Variants in UBE2F observed in about 807,000 individuals in gnomAD.
The protein encoded by UBE2F is ubiquitin conjugating enzyme E2 F (putative), also known as NEDD8-conjugating enzyme UBE2F.
In UBE2F, 5 loss-of-function variants were observed where a neutral mutation model predicts 29.6. The ratio of observed to expected loss-of-function variants is 0.17; its 90% CI spans 0.09 to 0.36. The LOEUF (loss-of-function observed/expected upper bound fraction) is 0.36, where lower values mean the gene tolerates loss of function less well. Ranked by LOEUF, UBE2F falls within the 10% of genes least tolerant of loss-of-function variation. The pLI, the probability that UBE2F is intolerant of heterozygous loss-of-function variation, is 1.00. For missense variants in UBE2F, 141 were observed against 228.5 expected, an observed-to-expected ratio of 0.62 and a Z score of 2.47; for synonymous variants, 66 against 81.8, an observed-to-expected ratio of 0.81 and a Z score of 1.04.
At chr2:238,005,030 A>G (rs1375287512) in intron 4 of UBE2F, among the ~76,000 whole-genome samples, 2 of 152,078 alleles carry the variant, frequency 1.3e-5, no homozygotes, top group Admixed American at 1.3e-4. Context: ...AGTGAGACCC[A>G]TTTTGGTCTT....
At chr2:238,006,886 G>T (rs1447545587) in intron 4 of UBE2F, among the ~76,000 whole-genome samples, 1 of 151,262 alleles carries the variant, frequency 6.6e-6, no homozygotes, top group Non-Finnish European at 1.5e-5. Context: ...CTCCCAAGTA[G>T]CTGGGATTAT....
intron 9 of UBE2F, among the ~76,000 whole-genome samples, chr2:238,039,166 C>T (rs1444199908): frequency 3.3e-5 from 5 of 152,122 alleles, no homozygotes; most frequent in Admixed American, 2.0e-4. Context: ...ACCCAGGAGG[C>T]GGAGGTTGCA....
chr2:238,006,189 A>G (rs1046705301), intron 4 of UBE2F, among the ~76,000 whole-genome samples: 1 of 152,222 alleles, frequency 6.6e-6, no homozygotes, highest in Non-Finnish European at 1.5e-5. Flanking sequence ...GAGCCGGCAT[A>G]TCACATGGTG....
chr2:237,998,639 C>T (rs1360841566), intron 4 of UBE2F, among the ~76,000 whole-genome samples: 5 of 143,570 alleles, frequency 3.5e-5, no homozygotes, highest in Non-Finnish European at 7.6e-5. Flanking sequence ...ACAAGCTTTT[C>T]GTGTTCATAG....
chr2:238,018,076 C>T (rs1318903827), intron 5 of UBE2F, among the ~76,000 whole-genome samples: 1 of 152,140 alleles, frequency 6.6e-6, no homozygotes, highest in Non-Finnish European at 1.5e-5. Context: ...TGGGAAAATA[C>T]ACATTTCCAG....
intron 2 of UBE2F, among the ~76,000 whole-genome samples, chr2:237,987,642 C>T (rs753570346): frequency 1.1e-4 from 16 of 152,162 alleles, no homozygotes; most frequent in Non-Finnish European, 1.8e-4. Flanking sequence ...GGAATCATTC[C>T]AGTACTTGGA....
chr2:237,977,119 C>T (rs1210124038), intron 2 of UBE2F, among the ~76,000 whole-genome samples: 3 of 152,186 alleles, frequency 2.0e-5, no homozygotes, highest in Non-Finnish European at 2.9e-5. Flanking sequence ...GACCTACCAA[C>T]CTGGGCGCCC....
chr2:238,021,697 G>A lies in UBE2F; in HGVS notation c.283-3645G>A, dbSNP rs748058287. Reference sequence around the variant, plus strand: ...AAGCAGACTTTCTGTAAAGGGCTAAGCAATAAATATTTTAGGCTCTGTGGA... The same window carrying A: ...AAGCAGACTTTCTGTAAAGGGCTAAACAATAAATATTTTAGGCTCTGTGGA... On this transcript the variant is annotated intron_variant, in intron 5 of 9. Coordinates refer to ENST00000272930, the MANE Select transcript of UBE2F (RefSeq NM_080678.3). Among the ~76,000 whole-genome samples the A allele has an allele frequency of 5.1e-4, 78 of 152,226 alleles. 1 individual carries two copies. The highest frequency in any genetic ancestry group is 9.4e-4 in the Non-Finnish European group (64 of 68,024).
intron 5 of UBE2F, 31 bp from the exon 6 acceptor site, chr2:238,025,289 TGTGATTTGCAGAGACTGTCGGC>T: frequency 6.7e-7 from 1 of 1,486,254 alleles, no homozygotes; most frequent in Non-Finnish European, 9.4e-7. Context: ...GGCCTGGAGA[TGTGATTTGCAGAGACTGTCGGC>T]GTGATCTCTC....
At chr2:237,989,595 CT>C (rs2063542681) in intron 3 of UBE2F, among the ~76,000 whole-genome samples, 1 of 152,028 alleles carries the variant, frequency 6.6e-6, no homozygotes, top group African/African-American at 2.4e-5. Context: ...TCAAGTGATC[CT>C]TCTGCCTCAG....
intron 4 of UBE2F, among the ~76,000 whole-genome samples, chr2:237,996,571 G>A (rs774054426): frequency 4.0e-5 from 6 of 151,694 alleles, no homozygotes; most frequent in South Asian, 2.1e-4. Context: ...CGCCTTCCGG[G>A]TTCAAGTGAT....
chr2:238,028,759 T>C (rs1188756449), intron 6 of UBE2F, among the ~76,000 whole-genome samples: 3 of 152,216 alleles, frequency 2.0e-5, no homozygotes, highest in African/African-American at 7.2e-5. Context: ...CTGATCTGAA[T>C]TGACTTTTGT....
chr2:238,005,423 T>C (rs2063880053), intron 4 of UBE2F, among the ~76,000 whole-genome samples: 1 of 152,108 alleles, frequency 6.6e-6, no homozygotes, highest in Non-Finnish European at 1.5e-5. Flanking sequence ...TCTTGACTCT[T>C]GGGCTCAAGT....
In UBE2F at chr2:237,967,807, C is replaced by T. The variant is rs2063089743; in HGVS notation, c.-17+675C>T. 6.6e-6 allele frequency among the ~76,000 whole-genome samples: 1 copy of T among 152,228 alleles called. No homozygotes were observed. Among genetic ancestry groups the T allele is most frequent in the Non-Finnish European group, 1.5e-5 (1 of 68,042 alleles). Reference sequence around the variant, plus strand: ...CTTGGAACAATTAGTGCAGCAGAGTCTTGGTTCCAGACCTAGTTCTGCTGG... The same window carrying T: ...CTTGGAACAATTAGTGCAGCAGAGTTTTGGTTCCAGACCTAGTTCTGCTGG... On this transcript the variant is annotated intron_variant, in intron 1 of 9. Transcript: ENST00000272930. The surrounding 1 kb of genome is among the most constrained non-coding windows in gnomAD (Gnocchi z 6.3).
chr2:237,970,384 CAAAA>C (rs1288982415), intron 1 of UBE2F, among the ~76,000 whole-genome samples: 1 of 152,088 alleles, frequency 6.6e-6, no homozygotes, highest in Non-Finnish European at 1.5e-5. Context: ...AAAAAACAAA[CAAAA>C]AACATTTTTG....
At position 237,967,023 on chromosome 2, in the gene UBE2F, C is replaced by G. The variant is rs1022459294; in HGVS notation, c.-126C>G. 2.4e-6 allele frequency: 3 copies of G among 1,272,890 alleles called. No individual in the cohort carries two copies. In the African/African-American group the frequency reaches 4.7e-5, roughly 20 times the overall value. The allele number at this position is 1,272,890 out of a possible 1,614,324, so 78.8% of individuals were successfully genotyped here. A position where few individuals can be genotyped will look rare whatever the true frequency, so the allele number is the denominator to read the frequency against. On this transcript the variant is annotated 5_prime_UTR_variant, in exon 1 of 10. Coordinates refer to ENST00000272930, the MANE Select transcript of UBE2F (RefSeq NM_080678.3). The surrounding 1 kb of genome is among the most constrained non-coding windows in gnomAD (Gnocchi z 6.3). ...GAGTCCCCGCCCCGCCACTTCCGGT[C>G]CCGCCGCCGGGAGCCGGTGCGGCTG... is the stretch of plus-strand genomic sequence containing the variant.
intron 1 of UBE2F, 126 bp from the exon 2 acceptor site, chr2:237,972,966 C>A (rs1576586230): frequency 1.9e-6 from 2 of 1,074,804 alleles, no homozygotes; most frequent in African/African-American, 1.6e-5. Context: ...TTAATGTGTA[C>A]AAATTTTTTC....
At chr2:238,027,825 C>T (rs2064468765) in intron 6 of UBE2F, among the ~76,000 whole-genome samples, 1 of 152,174 alleles carries the variant, frequency 6.6e-6, no homozygotes. Context: ...CTGATGGGTG[C>T]CTGGGGCTCC....
intron 4 of UBE2F, among the ~76,000 whole-genome samples, chr2:238,015,662 A>G (rs2064135636): frequency 6.6e-6 from 1 of 152,218 alleles, no homozygotes; most frequent in African/African-American, 2.4e-5. Context: ...TAAAAATTTG[A>G]GGAAAATGAT....
Sources: gnomAD v4.1 joint callset for allele counts (sites outside exome capture counted in the v4.1 genomes callset) on GRCh38, gnomAD v4.1.1 for gene constraint, Gnocchi (gnomAD v3.1) non-coding constraint, MANE v1.5 for transcripts, NCBI Gene and HGNC (gene_info 2026-07-23, HGNC 2026-07-21) for gene names.